The following BRINP1 variants were observed in gnomAD, a reference collection of about 807,000 sequenced individuals.
BRINP1 encodes BMP/retinoic acid-inducible neural-specific protein 1.
Under a neutral mutation model 72.9 loss-of-function variants are expected in BRINP1, and 17 were observed. That is an observed-to-expected ratio of 0.23 (90% CI 0.16 to 0.35). The LOEUF (loss-of-function observed/expected upper bound fraction) is 0.35. Ranked by LOEUF, BRINP1 falls within the 10% of genes least tolerant of loss-of-function variation. BRINP1 has a pLI of 1.00. For missense variants in BRINP1, 850 were observed against 1,001.6 expected (o/e 0.85, Z 2.04); for synonymous variants, 418 against 378.5 (o/e 1.10, Z -1.21).
chr9:119,349,872 C>T (rs937671621), intron 1 of BRINP1, among the ~76,000 whole-genome samples: 2 of 152,180 alleles, frequency 1.3e-5, no homozygotes, highest in Non-Finnish European at 2.9e-5. Context: ...TTTTCCTCTT[C>T]CTTCGTATTT....
intron 7 of BRINP1, among the ~76,000 whole-genome samples, chr9:119,183,315 C>G (rs1232804374): frequency 6.6e-6 from 1 of 151,986 alleles, no homozygotes; most frequent in Non-Finnish European, 1.5e-5. Flanking sequence ...AATGAGTGAG[C>G]CACAACTACA....
chr9:119,225,647 T>C (rs1830082567), intron 5 of BRINP1, among the ~76,000 whole-genome samples: 2 of 151,908 alleles, frequency 1.3e-5, no homozygotes, highest in South Asian at 4.1e-4. Flanking sequence ...CTCAAGGGTA[T>C]AGAGGGCAGA....
At chr9:119,227,797 A>G (rs1830107109) in intron 5 of BRINP1, among the ~76,000 whole-genome samples, 1 of 151,960 alleles carries the variant, frequency 6.6e-6, no homozygotes, top group Non-Finnish European at 1.5e-5. Context: ...GGGCTTTAGA[A>G]AAAGGAGACC....
chr9:119,261,735 C>G (rs1201642416), intron 2 of BRINP1, among the ~76,000 whole-genome samples: 1 of 152,058 alleles, frequency 6.6e-6, no homozygotes, highest in African/African-American at 2.4e-5. Flanking sequence ...AAGAATAATA[C>G]TCTTTTCTAC....
intron 1 of BRINP1, among the ~76,000 whole-genome samples, chr9:119,345,086 G>A (rs1231209056): frequency 2.0e-5 from 3 of 152,160 alleles, no homozygotes; most frequent in African/African-American, 7.2e-5. Flanking sequence ...GTGAAATCGA[G>A]AGAGCCGGAA....
chr9:119,247,824 A>G lies in BRINP1; in HGVS notation c.409+1136T>C, dbSNP rs1377606276. On this transcript the variant is annotated intron_variant, in intron 3 of 7. Transcript: ENST00000265922. ...TTATTTATAAAATGGAGGTAATATG[A>G]CATGTGCAGTTTTGAGGACTAAAGA... Among the ~76,000 whole-genome samples, 3 of 152,064 alleles carry G rather than the reference A, an allele frequency of 2.0e-5. 1 individual carries two copies. Among genetic ancestry groups the G allele is most frequent in the South Asian group, 2.1e-4 (1 of 4,826 alleles).
At chr9:119,281,761 T>C (rs2118962883) in intron 2 of BRINP1, among the ~76,000 whole-genome samples, 1 of 152,370 alleles carries the variant, frequency 6.6e-6, no homozygotes, top group Non-Finnish European at 1.5e-5. Flanking sequence ...TGTGTATGTG[T>C]ATGCAACTTG....
At chr9:119,265,256 T>C (rs1830536009) in intron 2 of BRINP1, among the ~76,000 whole-genome samples, 1 of 152,106 alleles carries the variant, frequency 6.6e-6, no homozygotes. Context: ...AATGGAAAAG[T>C]GGTAGCTTGT....
At chr9:119,200,640 A>G (rs1032729814) in intron 7 of BRINP1, among the ~76,000 whole-genome samples, 2 of 150,780 alleles carry the variant, frequency 1.3e-5, no homozygotes, top group Non-Finnish European at 1.5e-5. Flanking sequence ...AAAAAAGAAA[A>G]AAAAAAAAAA....
chr9:119,319,917 G>A (rs903686965), intron 1 of BRINP1, among the ~76,000 whole-genome samples: 3 of 152,122 alleles, frequency 2.0e-5, no homozygotes, highest in Non-Finnish European at 2.9e-5. Flanking sequence ...AAATATAATG[G>A]GGGAGTCACA....
In BRINP1 at chr9:119,167,442, G is replaced by A. The variant is rs867591425; in HGVS notation, c.1928C>T (p.Pro643Leu). 6.2e-7 allele frequency: 1 copy of A among 1,614,090 alleles called. No homozygotes were observed. Among genetic ancestry groups the A allele is most frequent in the Non-Finnish European group, 8.5e-7 (1 of 1,179,988 alleles). Residue 643 changes from proline (P) to leucine (L), a missense_variant, in exon 8 of 8, where the codon CCC (proline) becomes CTC (leucine). Transcript: ENST00000265922. This position sits in a 1 kb window ranked among gnomAD's most constrained non-coding sequence, Gnocchi z 4.3. ...TGQGPVDLSD[P>L]SKRQFYIKIS... ...CTTGATGTAGAACTGCCTCTTGGAG[G>A]GATCCGACAGGTCCACGGGGCCCTG...
chr9:119,230,972 T>A (rs1830144089), intron 5 of BRINP1, among the ~76,000 whole-genome samples: 2 of 152,020 alleles, frequency 1.3e-5, no homozygotes, highest in Admixed American at 1.3e-4. Flanking sequence ...AAATTGGGAA[T>A]AAGCTAATGA....
intron 7 of BRINP1, among the ~76,000 whole-genome samples, chr9:119,199,559 G>C (rs1196536711): frequency 6.6e-6 from 1 of 152,084 alleles, no homozygotes; most frequent in Non-Finnish European, 1.5e-5. Flanking sequence ...GTGAATTTGT[G>C]AAGTAAAAAG....
At chr9:119,183,129 A>G (rs370474954) in intron 7 of BRINP1, among the ~76,000 whole-genome samples, 6 of 152,244 alleles carry the variant, frequency 3.9e-5, no homozygotes, top group African/African-American at 1.4e-4. Context: ...ATAGCCAGTA[A>G]GTTGAACATA....
intron 2 of BRINP1, among the ~76,000 whole-genome samples, chr9:119,273,174 A>T (rs1830624291): frequency 1.3e-5 from 2 of 152,158 alleles, no homozygotes; most frequent in African/African-American, 4.8e-5. Flanking sequence ...AACAGAATGA[A>T]CTCAGGATCC....
intron 1 of BRINP1, among the ~76,000 whole-genome samples, chr9:119,362,669 C>T (rs1299140546): frequency 6.6e-6 from 1 of 152,178 alleles, no homozygotes; most frequent in Non-Finnish European, 1.5e-5. Context: ...ACTTTATCCC[C>T]ACATATTCAT....
intron 5 of BRINP1, among the ~76,000 whole-genome samples, chr9:119,234,789 T>A (rs1276594137): frequency 1.3e-5 from 2 of 152,128 alleles, no homozygotes; most frequent in South Asian, 2.1e-4. Flanking sequence ...TCCTCAGATA[T>A]TTTTTTTCCT....
chr9:119,330,062 A>C (rs1831283564), intron 1 of BRINP1, among the ~76,000 whole-genome samples: 2 of 152,222 alleles, frequency 1.3e-5, no homozygotes, highest in Admixed American at 1.3e-4. Flanking sequence ...CCCACACAGA[A>C]GCACATCCAT....
chr9:119,249,223 C>A, intron 2 of BRINP1, 73 bp from the exon 3 acceptor site: 1 of 1,410,310 alleles, frequency 7.1e-7, no homozygotes. Context: ...CCCAACCATC[C>A]ATCCAGGCAT....
Sources: allele counts gnomAD v4.1 joint callset (sites outside exome capture counted in the v4.1 genomes callset), GRCh38; gene constraint gnomAD v4.1.1; non-coding constraint Gnocchi (gnomAD v3.1); transcripts MANE v1.5; gene names NCBI Gene and HGNC (gene_info 2026-07-23, HGNC 2026-07-21).